The following LCMT1 variants were observed in gnomAD, a reference collection of about 807,000 sequenced individuals.
LCMT1 encodes the protein [Phosphatase 2A protein]-leucine-carboxy methyltransferase 1.
Under a neutral mutation model 47.7 loss-of-function variants are expected in LCMT1, and 32 were observed. That is an observed-to-expected ratio of 0.67 (90% CI 0.51 to 0.90). LCMT1 has a LOEUF of 0.90. Ranked by LOEUF, LCMT1 falls within the 40% of genes least tolerant of loss-of-function variation. The probability of loss-of-function intolerance (pLI) is 0.00; values close to 1 mark genes in which losing one functional copy is unlikely to be tolerated. For synonymous variants in LCMT1, 152 were observed against 149.7 expected (o/e 1.02, Z -0.11); for missense variants, 375 against 415.2 (o/e 0.90, Z 0.84).
chr16:25,173,912 ATTTATT>A (rs1209933731), intron 9 of LCMT1, among the ~76,000 whole-genome samples: 1 of 151,770 alleles, frequency 6.6e-6, no homozygotes, highest in African/African-American at 2.4e-5. Context: ...GTATATAGTT[ATTTATT>A]TTTATTTTTT....
intron 7 of LCMT1, among the ~76,000 whole-genome samples, chr16:25,166,444 C>A (rs1961594906): frequency 1.3e-5 from 2 of 152,050 alleles, no homozygotes; most frequent in Non-Finnish European, 2.9e-5. Context: ...CTGTATCACC[C>A]AGGCTGGAGT....
chr16:25,155,763 C>T (rs1425600086), intron 5 of LCMT1, among the ~76,000 whole-genome samples: 4 of 151,754 alleles, frequency 2.6e-5, no homozygotes, highest in African/African-American at 9.7e-5. Flanking sequence ...TCACTGCAGC[C>T]TTGAACTCCT....
chr16:25,140,196 A>G lies in LCMT1; in HGVS notation c.353A>G (p.Tyr118Cys). 6.2e-7 allele frequency: 1 copy of G among 1,609,432 alleles called. No homozygotes were observed. Among genetic ancestry groups the G allele is most frequent in the Non-Finnish European group, 8.5e-7 (1 of 1,177,654 alleles). Residue 118 changes from tyrosine (Y) to cysteine (C), a missense_variant, in exon 4 of 11, where the codon TAT (tyrosine) becomes TGT (cysteine). Transcript: ENST00000399069. ...LKDEDLLPSK[Y>C]FEVDFPMIVT... The stretch of plus-strand genomic sequence containing the variant: ...GATGAAGATCTTCTCCCAAGTAAAT[A>G]TTTTGAGGTTGACTTTCCAATGATT...
At chr16:25,123,773 A>G (rs184208496) in intron 1 of LCMT1, among the ~76,000 whole-genome samples, 1 of 148,082 alleles carries the variant, frequency 6.8e-6, no homozygotes, top group East Asian at 2.1e-4. Flanking sequence ...ATATGCGGCT[A>G]ATTTTTTGTA....
At chr16:25,174,175 G>A (rs1312668846) in intron 9 of LCMT1, among the ~76,000 whole-genome samples, 2 of 152,198 alleles carry the variant, frequency 1.3e-5, no homozygotes, top group Non-Finnish European at 2.9e-5. Context: ...GCCTCCCAAA[G>A]TGCTGGGATT....
rs58937394 is a variant in LCMT1, at chr16:25,130,339, CAAA to C, written c.205+1790_205+1792del. On this transcript the variant is annotated intron_variant, in intron 2 of 10. Transcript: ENST00000399069. ...TGGGCGACAGAGCAATACTCCATCT[CAAA>C]AAAAAAAAAAAAAAAATTCTTCAAC... 3.4e-3 allele frequency among the ~76,000 whole-genome samples: 442 copies of C among 128,910 alleles called. 1 individual carries two copies. The highest frequency in any genetic ancestry group is 0.013 in the South Asian group (49 of 3,900). 84.6% of individuals were successfully genotyped at this position (128,910 alleles called of 152,430 possible).
At chr16:25,177,886 T>A (rs769614704) in intron 10 of LCMT1, 115 bp from the exon 11 acceptor site, 28 of 843,188 alleles carry the variant, frequency 3.3e-5, no homozygotes, top group Non-Finnish European at 5.1e-5. Flanking sequence ...AGGGCGGTGC[T>A]ACAGTGGTCA....
intron 1 of LCMT1, among the ~76,000 whole-genome samples, chr16:25,113,729 G>A (rs996252676): frequency 3.9e-5 from 6 of 152,110 alleles, no homozygotes; most frequent in Non-Finnish European, 8.8e-5. Flanking sequence ...TCCACCTGCC[G>A]GGTTCAAGTG....
chr16:25,175,158 T>C (rs575538461), intron 10 of LCMT1, 124 bp downstream of exon 10: 47 of 614,778 alleles, frequency 7.6e-5, no homozygotes, highest in South Asian at 4.5e-4. Flanking sequence ...CTTTCTTGTT[T>C]TGAGACAGGG....
chr16:25,137,343 T>C (rs1960532667), intron 3 of LCMT1, among the ~76,000 whole-genome samples: 1 of 151,330 alleles, frequency 6.6e-6, no homozygotes, highest in South Asian at 2.1e-4. Flanking sequence ...CCCCCTCAAG[T>C]ATCTTGAAAT....
chr16:25,112,463 C>T (rs1959652413), intron 1 of LCMT1, among the ~76,000 whole-genome samples: 4 of 152,336 alleles, frequency 2.6e-5, no homozygotes, highest in Middle Eastern at 3.4e-3. Flanking sequence ...AGTAATATCT[C>T]TTTGCAGAGC....
chr16:25,153,481 CCCAAT>C (rs1961140898), intron 5 of LCMT1, among the ~76,000 whole-genome samples: 1 of 152,154 alleles, frequency 6.6e-6, no homozygotes, highest in Non-Finnish European at 1.5e-5. Flanking sequence ...CACTCCCAAT[CCCAAT>C]CCCAATCCCA....
chr16:25,115,246 T>C (rs550184869), intron 1 of LCMT1, among the ~76,000 whole-genome samples: 29 of 152,232 alleles, frequency 1.9e-4, no homozygotes, highest in Non-Finnish European at 3.7e-4. Flanking sequence ...TCTCTGTCTT[T>C]TAGATGTTCC....
rs1226855526 is a variant in LCMT1, at chr16:25,178,202, T to C, written c.*179T>C. 1.9e-5 allele frequency: 11 copies of C among 590,546 alleles called. No individual in the cohort carries two copies. The highest frequency in any genetic ancestry group is 2.4e-5 in the Non-Finnish European group (8 of 340,016). 36.6% of individuals were successfully genotyped at this position (590,546 alleles called of 1,614,324 possible). A position where few individuals can be genotyped will look rare whatever the true frequency, so the allele number is the denominator to read the frequency against. On this transcript the variant is annotated 3_prime_UTR_variant, in exon 11 of 11. Coordinates refer to ENST00000399069, the MANE Select transcript of LCMT1 (RefSeq NM_016309.3). ...CTTCCTGTTCCTGTTGACATGTCGT[T>C]GTTTAAATAAATCTCACTTGCCACC... is the stretch of plus-strand genomic sequence containing the variant.
chr16:25,175,370 T>C (rs961366493), intron 10 of LCMT1, among the ~76,000 whole-genome samples: 4 of 151,418 alleles, frequency 2.6e-5, no homozygotes, highest in African/African-American at 9.7e-5. Flanking sequence ...ACACCTGTAA[T>C]CCCAGCACTT....
chr16:25,114,362 T>G (rs1430632076), intron 1 of LCMT1, among the ~76,000 whole-genome samples: 1 of 152,184 alleles, frequency 6.6e-6, no homozygotes, highest in Non-Finnish European at 1.5e-5. Flanking sequence ...TTAACAGTCA[T>G]CACCACCCCC....
At chr16:25,177,930 G>A (rs552393118) in intron 10 of LCMT1, 71 bp from the exon 11 acceptor site, 3 of 1,386,136 alleles carry the variant, frequency 2.2e-6, no homozygotes, top group African/African-American at 1.4e-5. Context: ...CCGGTCACTG[G>A]GGGTCCTCTA....
intron 9 of LCMT1, among the ~76,000 whole-genome samples, chr16:25,171,503 G>A (rs1961771368): frequency 6.6e-6 from 1 of 152,154 alleles, no homozygotes; most frequent in South Asian, 2.1e-4. Flanking sequence ...ACTGATAGCA[G>A]CTTGAAAGTA....
chr16:25,175,992 T>G (rs1025272516), intron 10 of LCMT1, among the ~76,000 whole-genome samples: 1 of 152,188 alleles, frequency 6.6e-6, no homozygotes, highest in Non-Finnish European at 1.5e-5. Flanking sequence ...AACCGGCGTT[T>G]GTCTTTTCCA....
Sources: allele counts gnomAD v4.1 joint callset (sites outside exome capture counted in the v4.1 genomes callset), GRCh38; gene constraint gnomAD v4.1.1; transcripts MANE v1.5; gene names NCBI Gene and HGNC (gene_info 2026-07-23, HGNC 2026-07-21).